Variants in ANKFN1 observed in about 807,000 individuals in gnomAD.
The protein encoded by ANKFN1 is ankyrin repeat and fibronectin type III domain containing 1.
ANKFN1 carries 74 observed loss-of-function variants against 108.7 expected under a neutral mutation model. That is an observed-to-expected ratio of 0.68 (90% CI 0.56 to 0.83). ANKFN1 has a LOEUF of 0.83. Among genes scored for constraint, ANKFN1 ranks in the 40% least tolerant of loss-of-function variants. The pLI is 0.00. For synonymous variants in ANKFN1, 547 were observed against 516.2 expected (o/e 1.06, Z -0.81); for missense variants, 1,505 against 1,382.3 (o/e 1.09, Z -1.41).
At chr17:56,510,311 C>A (rs919845609) in intron 20 of ANKFN1, among the ~76,000 whole-genome samples, 162 bp from the exon 21 acceptor site, 4 of 152,202 alleles carry the variant, frequency 2.6e-5, no homozygotes, top group African/African-American at 7.2e-5. Context: ...AAATGTGGGG[C>A]CCCTAGTTCA....
chr17:56,422,950 A>C (rs2048456498), intron 8 of ANKFN1, among the ~76,000 whole-genome samples: 1 of 152,134 alleles, frequency 6.6e-6, no homozygotes, highest in Non-Finnish European at 1.5e-5. Context: ...AGGAGGGTGA[A>C]AGCAACCATT....
At chr17:56,459,298 A>G (rs2049824267) in intron 14 of ANKFN1, among the ~76,000 whole-genome samples, 1 of 152,104 alleles carries the variant, frequency 6.6e-6, no homozygotes, top group Admixed American at 6.5e-5. Flanking sequence ...TTTACCAGAG[A>G]CAGGGTTTTA....
chr17:56,458,126 G>A (rs2049777241), intron 14 of ANKFN1, 147 bp downstream of exon 14: 1 of 659,266 alleles, frequency 1.5e-6, no homozygotes, highest in African/African-American at 1.8e-5. Flanking sequence ...AGCAGCTGGA[G>A]CTGCGTACCT....
At chr17:56,457,053 G>A in intron 12 of ANKFN1, 93 bp downstream of exon 12, 1 of 1,288,414 alleles carries the variant, frequency 7.8e-7, no homozygotes, top group Non-Finnish European at 1.1e-6. Flanking sequence ...ATTTTTTTGT[G>A]TTCAAAACAA....
intron 10 of ANKFN1, among the ~76,000 whole-genome samples, chr17:56,446,945 G>A (rs569829428): frequency 2.5e-4 from 38 of 151,426 alleles, no homozygotes; most frequent in Non-Finnish European, 4.1e-4. Flanking sequence ...TATAGGCCAG[G>A]CCAACAGTGG....
At chr17:56,153,165 C>T (rs1908770983), upstream of ANKFN1, among the ~76,000 whole-genome samples, 1 of 152,222 alleles carries the variant, frequency 6.6e-6, no homozygotes, top group African/African-American at 2.4e-5. Context: ...AATCCCACCC[C>T]TTTCAGGGGC....
At chr17:56,468,086 T>A (rs1383010208) in intron 15 of ANKFN1, among the ~76,000 whole-genome samples, 1 of 152,220 alleles carries the variant, frequency 6.6e-6, no homozygotes, top group African/African-American at 2.4e-5. Context: ...AACTTGATTT[T>A]GTCCCTTGGC....
intron 3 of ANKFN1, among the ~76,000 whole-genome samples, chr17:56,312,143 A>G (rs2045048213): frequency 6.6e-6 from 1 of 152,196 alleles, no homozygotes; most frequent in Non-Finnish European, 1.5e-5. Context: ...CCTGAGGGCT[A>G]CCATGTGGTT....
At chr17:56,202,122 A>G (rs1421714818) in intron 1 of ANKFN1, among the ~76,000 whole-genome samples, 7 of 152,220 alleles carry the variant, frequency 4.6e-5, no homozygotes, top group Non-Finnish European at 1.0e-4. Context: ...TAGCCTGGGA[A>G]GCGATTACAC....
At chr17:56,309,959 C>T (rs2044962442) in intron 3 of ANKFN1, among the ~76,000 whole-genome samples, 1 of 152,170 alleles carries the variant, frequency 6.6e-6, no homozygotes, top group Non-Finnish European at 1.5e-5. Flanking sequence ...TGATGTAGCA[C>T]TAAACTACTC....
intron 8 of ANKFN1, among the ~76,000 whole-genome samples, chr17:56,434,407 A>G (rs2048864654): frequency 6.6e-6 from 1 of 151,636 alleles, no homozygotes; most frequent in Non-Finnish European, 1.5e-5. Context: ...AAGAAGAAGA[A>G]GAAGATGATG....
rs34588908 is a variant in ANKFN1 at position 56,091,418 on chromosome 17, T to TCACACACACACA, written c.288+45126_288+45137dup. 6.6e-4 allele frequency among the ~76,000 whole-genome samples: 90 copies of TCACACACACACA among 136,918 alleles called. 1 individual carries two copies. The highest frequency in any genetic ancestry group is 2.1e-3 in the African/African-American group (79 of 37,184). 89.8% of individuals were successfully genotyped at this position (136,918 alleles called of 152,430 possible). ...ATACTTCATTTTTCTTCCAAACAAA[T>TCACACACACACA]CACACACACACACACACACACACAC... On this transcript the variant is annotated intron_variant, in intron 4 of 12. Coordinates refer to the ANKFN1 transcript ENST00000635860.
intron 8 of ANKFN1, among the ~76,000 whole-genome samples, chr17:56,409,097 G>T (rs1264426874): frequency 7.0e-6 from 1 of 143,762 alleles, no homozygotes; most frequent in Non-Finnish European, 1.5e-5. Flanking sequence ...GCTAATTTTT[G>T]TATTTTTAGT....
chr17:56,280,006 G>GTTTTTTTTTTTTTTTTTTTTTTT (rs2044030329), intron 3 of ANKFN1, among the ~76,000 whole-genome samples: 1 of 138,332 alleles, frequency 7.2e-6, no homozygotes, highest in Admixed American at 6.9e-5. Context: ...GCCACATAAT[G>GTTTTTTTTTTTTTTTTTTTTTTT]TCTTTTTTTT....
At chr17:56,264,206 C>T (rs1043833209) in intron 3 of ANKFN1, among the ~76,000 whole-genome samples, 2 of 152,162 alleles carry the variant, frequency 1.3e-5, no homozygotes, top group African/African-American at 4.8e-5. Context: ...CAGGTGACCA[C>T]AGTGGATTTG....
intron 20 of ANKFN1, among the ~76,000 whole-genome samples, chr17:56,507,166 A>G (rs1438025597): frequency 6.6e-6 from 1 of 151,948 alleles, no homozygotes; most frequent in East Asian, 1.9e-4. Flanking sequence ...CTTCTTCCTC[A>G]CTCTTAAGGC....
At chr17:56,298,124 A>G (rs1049881936) in intron 3 of ANKFN1, among the ~76,000 whole-genome samples, 2 of 152,196 alleles carry the variant, frequency 1.3e-5, no homozygotes, top group African/African-American at 2.4e-5. Context: ...TCCAAGGGTG[A>G]GCAATTGCGT....
At chr17:56,260,986 A>G (rs1827469359) in intron 3 of ANKFN1, among the ~76,000 whole-genome samples, 1 of 152,242 alleles carries the variant, frequency 6.6e-6, no homozygotes, top group African/African-American at 2.4e-5. Context: ...AGATAAACAT[A>G]CAAGGTAATT....
At chr17:56,363,222 C>T (rs1249785889) in intron 6 of ANKFN1, among the ~76,000 whole-genome samples, 1 of 151,394 alleles carries the variant, frequency 6.6e-6, no homozygotes, top group Non-Finnish European at 1.5e-5. Context: ...GACTCCATCT[C>T]AAAAATAAAA....
Sources: allele counts gnomAD v4.1 joint callset (sites outside exome capture counted in the v4.1 genomes callset), GRCh38; gene constraint gnomAD v4.1.1; transcripts MANE v1.5; gene names NCBI Gene and HGNC (gene_info 2026-07-23, HGNC 2026-07-21).